The following ACVRL1 variants were observed in gnomAD, a reference collection of about 807,000 sequenced individuals.
ACVRL1 encodes activin A receptor like type 1.
In ACVRL1, 20 loss-of-function variants were observed where a neutral mutation model predicts 51.9. The ratio of observed to expected loss-of-function variants is 0.39; its 90% confidence interval spans 0.27 to 0.56. The LOEUF is 0.56. Ranked by LOEUF, ACVRL1 falls within the 20% of genes least tolerant of loss-of-function variation. The pLI is 0.67. For synonymous variants in ACVRL1, 288 were observed against 280.9 expected, an observed-to-expected ratio of 1.03 and a Z score of -0.25; for missense variants, 451 against 670.3, an observed-to-expected ratio of 0.67 and a Z score of 3.61.
rs1359400974 is a variant in ACVRL1, at chr12:51,917,110, G to A, written c.1246+877G>A. Among the ~76,000 whole-genome samples the A allele has an allele frequency of 1.3e-5, 2 of 152,226 alleles. No homozygotes were observed. The highest frequency in any genetic ancestry group is 2.9e-5 in the Non-Finnish European group (2 of 68,042). Reference sequence around the variant, plus strand: ...TGTTATTGTTGTAGATAGAATGAGTGCCTGACATCATATTGTCCCCATTTT... The same window carrying A: ...TGTTATTGTTGTAGATAGAATGAGTACCTGACATCATATTGTCCCCATTTT... On this transcript the variant is annotated intron_variant, in intron 8 of 9. Coordinates refer to ENST00000388922, the MANE Select transcript of ACVRL1 (RefSeq NM_000020.3). This position sits in a 1 kb window ranked among gnomAD's most constrained non-coding sequence, Gnocchi z 4.2.
At chr12:51,907,197 C>G (rs1204398860), upstream of ACVRL1, among the ~76,000 whole-genome samples, 1 of 152,060 alleles carries the variant, frequency 6.6e-6, no homozygotes, top group Non-Finnish European at 1.5e-5. This position sits in a 1 kb window ranked among gnomAD's most constrained non-coding sequence, Gnocchi z 4.5. Flanking sequence ...CACGGGACCC[C>G]TATGGGACCC....
At chr12:51,918,833 C>T (rs1490419604) in intron 8 of ACVRL1, 152 bp from the exon 9 acceptor site, 21 of 1,056,562 alleles carry the variant, frequency 2.0e-5, no homozygotes, top group Non-Finnish European at 3.0e-5. Context: ...GTTAGAAACA[C>T]ATTTATTGCA....
At chr12:51,914,113 T>A in intron 5 of ACVRL1, 40 bp downstream of exon 5, 2 of 1,595,130 alleles carry the variant, frequency 1.3e-6, no homozygotes, top group Non-Finnish European at 1.7e-6. Flanking sequence ...GACCAAGGGC[T>A]CTCATGAGCC....
chr12:51,913,382 A>G, intron 3 of ACVRL1, 32 bp downstream of exon 3: 2 of 1,607,266 alleles, frequency 1.2e-6, no homozygotes, highest in Non-Finnish European at 1.7e-6. Context: ...CTCCCTCCCC[A>G]TCTTCTTGGC....
Position 51,921,387 on chromosome 12 carries a change from G to T in ACVRL1, c.*494G>T, listed in dbSNP as rs968622676. 9.7e-6 allele frequency: 2 copies of T among 205,402 alleles called. No individual in the cohort carries two copies. Among genetic ancestry groups the T allele is most frequent in the African/African-American group, 4.6e-5 (2 of 43,586 alleles). 12.7% of individuals were successfully genotyped at this position (205,402 alleles called of 1,614,324 possible). On this transcript the variant is annotated 3_prime_UTR_variant, in exon 10 of 10. Transcript: ENST00000388922. The stretch of plus-strand genomic sequence containing the variant: ...AGCTCCAGAGAGCCAGGGCCCATCA[G>T]TTTCTCTCTGTGGATTTGTATCTCA...
intron 1 of ACVRL1, among the ~76,000 whole-genome samples, chr12:51,908,388 G>A (rs1592218925): frequency 6.6e-6 from 1 of 152,186 alleles, no homozygotes; most frequent in African/African-American, 2.4e-5. Context: ...CTCTCTCTAT[G>A]TATGGCCAGC....
chr12:51,910,233 TC>T (rs1940662483), intron 1 of ACVRL1, among the ~76,000 whole-genome samples: 1 of 152,198 alleles, frequency 6.6e-6, no homozygotes, highest in Non-Finnish European at 1.5e-5. Context: ...CCCTTGGCTG[TC>T]CCTTCTGTAG....
chr12:51,915,609 G>C, intron 7 of ACVRL1, 109 bp downstream of exon 7: 3 of 1,403,228 alleles, frequency 2.1e-6, no homozygotes, highest in Non-Finnish European at 2.8e-6. Flanking sequence ...AAAATTTAGA[G>C]GTGCATGTTG....
chr12:51,918,910 A>AAAAGGCTCTCC (rs1940903975), intron 8 of ACVRL1, 75 bp from the exon 9 acceptor site: 1 of 1,610,030 alleles, frequency 6.2e-7, no homozygotes, highest in Non-Finnish European at 8.5e-7. Flanking sequence ...TAGAGGGTAG[A>AAAAGGCTCTCC]AAAGGCTCTC....
Position 51,921,973 on chromosome 12 carries a change from C to T in ACVRL1, c.*1080C>T, listed in dbSNP as rs1375471734. 1 of 152,192 alleles carries T rather than the reference C, an allele frequency of 6.6e-6. No individual in the cohort carries two copies. Among genetic ancestry groups the T allele is most frequent in the Admixed American group, 6.5e-5 (1 of 15,272 alleles). 9.4% of individuals were successfully genotyped at this position (152,192 alleles called of 1,614,324 possible). A position where few individuals can be genotyped will look rare whatever the true frequency, so the allele number is the denominator to read the frequency against. ...TCTCGAACTCCTGACCTCAGGTGTTCCACCTACCTCAGCCTCCCAAAGTGC... is the reference window on the plus strand; with the variant it reads ...TCTCGAACTCCTGACCTCAGGTGTTTCACCTACCTCAGCCTCCCAAAGTGC... On this transcript the variant is annotated 3_prime_UTR_variant, in exon 10 of 10. Transcript: ENST00000388922.
At position 51,913,489 on chromosome 12, in the gene ACVRL1, A is replaced by T. The variant is rs1940746101; in HGVS notation, c.314-70A>T. 9.7e-6 allele frequency: 15 copies of T among 1,541,380 alleles called. No individual in the cohort carries two copies. In the South Asian group the frequency reaches 1.3e-4, roughly 13 times the overall value. Reference sequence around the variant, plus strand: ...GGCAGGACTCTGGGATCTAACTGGCAGAGTGGTCTGGCCCGAGGTGGGGGG... The same window carrying T: ...GGCAGGACTCTGGGATCTAACTGGCTGAGTGGTCTGGCCCGAGGTGGGGGG... On this transcript the variant is annotated intron_variant, in intron 3 of 9. Coordinates refer to ENST00000388922, the MANE Select transcript of ACVRL1 (RefSeq NM_000020.3).
At chr12:51,920,489 A>G (rs1450667961) in intron 9 of ACVRL1, among the ~76,000 whole-genome samples, 1 of 149,626 alleles carries the variant, frequency 6.7e-6, no homozygotes, top group Non-Finnish European at 1.5e-5. Flanking sequence ...TTCTCACTCT[A>G]CTCTCTTCCT....
At position 51,920,924 on chromosome 12, in the gene ACVRL1, AGGGGGCTGGGGGGGTG is replaced by A; in HGVS notation, c.*38_*53del. ...GAGCACCTGATTCCTTTCTGCCTGC[AGGGGGCTGGGGGGGTG>A]GGGGGCAGTGGATGGTGCCCTATCT... is the stretch of plus-strand genomic sequence containing the variant. On this transcript the variant is annotated 3_prime_UTR_variant, in exon 10 of 10. Transcript: ENST00000388922. The A allele has an allele frequency of 4.5e-5, 12 of 269,260 alleles. No individual in the cohort carries two copies. Among genetic ancestry groups the A allele is most frequent in the Non-Finnish European group, 7.5e-5 (11 of 146,532 alleles). The allele number at this position is 269,260 out of a possible 1,614,324, so 16.7% of individuals were successfully genotyped here.
chr12:51,914,112 C>A, intron 5 of ACVRL1, 39 bp downstream of exon 5: 2 of 1,593,946 alleles, frequency 1.3e-6, no homozygotes, highest in South Asian at 1.1e-5. Context: ...GGACCAAGGG[C>A]TCTCATGAGC....
chr12:51,915,131 A>C, intron 6 of ACVRL1, 94 bp from the exon 7 acceptor site: 56 of 1,234,140 alleles, frequency 4.5e-5, no homozygotes, highest in Non-Finnish European at 5.4e-5. Context: ...GACCCAGTCC[A>C]TTCCCTCTCC....
chr12:51,913,289 C>A lies in ACVRL1; in HGVS notation c.252C>A (p.Phe84Leu), dbSNP rs772198943. The change falls in exon 3 of 10, where the codon TTC becomes TTA. Residue 84 changes from phenylalanine to leucine, a missense_variant. This residue lies in a region of ACVRL1 where 192 missense variants were observed against 216.9 expected (regional missense o/e 0.89). Transcript: ENST00000388922. ...TCTGCAGGGGGCGCCCCACCGAGTT[C>A]GTCAACCACTACTGCTGCGACAGCC... is the stretch of plus-strand genomic sequence containing the variant. ...RELCRGRPTE[F>L]VNHYCCDSHL... The A allele has an allele frequency of 1.2e-6, 2 of 1,608,606 alleles. No individual in the cohort carries two copies. Among genetic ancestry groups the A allele is most frequent in the Non-Finnish European group, 1.7e-6 (2 of 1,177,870 alleles).
chr12:51,916,134 G>C lies in ACVRL1; in HGVS notation c.1147G>C (p.Glu383Gln), dbSNP rs148057374. Residue 383 changes from glutamate to glutamine, a missense_variant, in exon 8 of 10, where the codon GAG becomes CAG. Transcript: ENST00000388922. Reference sequence around the variant, plus strand: ...GTACATGGCACCCGAGGTGCTGGACGAGCAGATCCGCACGGACTGCTTTGA... The same window carrying C: ...GTACATGGCACCCGAGGTGCTGGACCAGCAGATCCGCACGGACTGCTTTGA... The part of the protein sequence containing the change: ...KRYMAPEVLD[E>Q]QIRTDCFESY... 6.2e-7 allele frequency: 1 copy of C among 1,614,076 alleles called. No homozygotes were observed. The highest frequency in any genetic ancestry group is 1.6e-4 in the Middle Eastern group (1 of 6,062).
At position 51,913,124 on chromosome 12, in the gene ACVRL1, C is replaced by A. The variant is rs139486404; in HGVS notation, c.87C>A (p.Gly29=). The change falls in exon 3 of 10, where the codon GGC becomes GGA. Residue 29 remains glycine, a synonymous_variant. Coordinates refer to ENST00000388922, the MANE Select transcript of ACVRL1 (RefSeq NM_000020.3). ...TQGDPVKPSR[G]PLVTCTCESP... is the part of the protein sequence containing the mutation. Reference sequence around the variant, plus strand: ...GAGACCCTGTGAAGCCGTCTCGGGGCCCGCTGGTGACCTGCACGTGTGAGA... The same window carrying A: ...GAGACCCTGTGAAGCCGTCTCGGGGACCGCTGGTGACCTGCACGTGTGAGA... 1 of 1,606,048 alleles carries A rather than the reference C, an allele frequency of 6.2e-7. No homozygotes were observed. The highest frequency in any genetic ancestry group is 2.2e-5 in the East Asian group (1 of 44,760).
intron 9 of ACVRL1, 54 bp downstream of exon 9, chr12:51,919,169 T>C: frequency 1.2e-6 from 2 of 1,612,764 alleles, no homozygotes; most frequent in Middle Eastern, 3.3e-4. Flanking sequence ...ATGGCTGGGA[T>C]TTCTGGGCCC....
Sources: allele counts gnomAD v4.1 joint callset (sites outside exome capture counted in the v4.1 genomes callset), GRCh38; gene constraint gnomAD v4.1.1; regional missense constraint gnomAD v4.1.1; non-coding constraint Gnocchi (gnomAD v3.1); transcripts MANE v1.5; gene names NCBI Gene and HGNC (gene_info 2026-07-23, HGNC 2026-07-21).